Variants in HRAS observed in about 807,000 individuals in gnomAD.
HRAS encodes the protein GTPase HRas.
In HRAS, 11 loss-of-function variants were observed where a neutral mutation model predicts 19.8. The ratio of observed to expected loss-of-function variants is 0.55; its 90% CI spans 0.35 to 0.92. The LOEUF (loss-of-function observed/expected upper bound fraction) is 0.92. Ranked by LOEUF, HRAS falls within the 40% of genes least tolerant of loss-of-function variation. HRAS has a pLI of 0.01. For missense variants in HRAS, 204 were observed against 255.9 expected, an observed-to-expected ratio of 0.80 and a Z score of 1.38; for synonymous variants, 149 against 105.5, an observed-to-expected ratio of 1.41 and a Z score of -2.52.
At position 533,596 on chromosome 11, in the gene HRAS, C is replaced by T. The variant is rs1213269684; in HGVS notation, c.307G>A (p.Val103Met). 6.2e-7 allele frequency: 1 copy of T among 1,613,722 alleles called. No individual in the cohort carries two copies. The highest frequency in any genetic ancestry group is 8.5e-7 in the Non-Finnish European group (1 of 1,179,996). Reference sequence around the variant, plus strand: ...ATGGGCACGTCATCCGAGTCCTTCACCCGTTTGATCTGCTCCCTGAGAGGT... The same window carrying T: ...ATGGGCACGTCATCCGAGTCCTTCATCCGTTTGATCTGCTCCCTGAGAGGT... Reference protein sequence around the residue: ...IHQYREQIKRVKDSDDVPMVL... With the variant: ...IHQYREQIKRMKDSDDVPMVL... The change falls in exon 4 of 6, where the codon GTG becomes ATG. Residue 103 changes from valine to methionine, a missense_variant. By Grantham distance (21) the Val-to-Met change is conservative. Coordinates refer to ENST00000311189, the MANE Select transcript of HRAS (RefSeq NM_005343.4).
intron 4 of HRAS, 23 bp from the exon 5 acceptor site, chr11:532,778 A>C (rs1851186127): frequency 6.2e-7 from 1 of 1,610,782 alleles, no homozygotes; most frequent in Non-Finnish European, 8.5e-7. Flanking sequence ...GGATGGGATC[A>C]GGAGGGACCG....
chr11:533,825 G>C lies in HRAS; in HGVS notation c.231C>G (p.Gly77=), dbSNP rs1182602668. The C allele has an allele frequency of 6.2e-7, 1 of 1,613,374 alleles. No individual in the cohort carries two copies. Residue 77 remains glycine (G), a synonymous_variant, in exon 3 of 6, where the codon GGC becomes GGG. Transcript: ENST00000311189. ...TGTTGATGGCAAACACACACAGGAA[G>C]CCCTCCCCGGTGCGCATGTACTGGT... ...MRDQYMRTGE[G]FLCVFAINNT...
intron 3 of HRAS, 59 bp downstream of exon 3, chr11:533,707 C>G: frequency 6.2e-7 from 1 of 1,610,748 alleles, no homozygotes; most frequent in Non-Finnish European, 8.5e-7. Context: ...TGCCTGGACG[C>G]AGCCGGCCTG....
rs1170748930 is a variant in HRAS at position 533,569 on chromosome 11, C to A, written c.334G>T (p.Val112Leu). The A allele has an allele frequency of 6.2e-7, 1 of 1,613,888 alleles. No homozygotes were observed. The highest frequency in any genetic ancestry group is 8.5e-7 in the Non-Finnish European group (1 of 1,180,010). ...AGGTCACACTTGTTCCCCACCAGCA[C>A]CATGGGCACGTCATCCGAGTCCTTC... is the stretch of plus-strand genomic sequence containing the variant. ...RVKDSDDVPM[V>L]LVGNKCDLAA... Residue 112 changes from valine (V) to leucine (L), a missense_variant, in exon 4 of 6, where the codon GTG (valine) becomes TTG (leucine). By Grantham distance (32) the Val-to-Leu change is conservative. This residue lies in a region of HRAS where 142 missense variants were observed against 141.1 expected (regional missense o/e 1.01). Transcript: ENST00000311189.
chr11:533,204 C>T, intron 4 of HRAS: 1 of 1,341,672 alleles, frequency 7.5e-7, no homozygotes, highest in East Asian at 2.5e-5. Flanking sequence ...CTGTGTCGGC[C>T]CAGGACTGCA....
At position 534,388 on chromosome 11, in the gene HRAS, G is replaced by A. The variant is rs890547133; in HGVS notation, c.-53-13C>T. The stretch of plus-strand genomic sequence containing the variant: ...TCTCCTGCCCCACCTGCCAAGGAGG[G>A]CCCTGCTCAGCCAGGCCCAGGCCCA... On this transcript the variant is annotated splice_polypyrimidine_tract_variant and intron_variant, in intron 1 of 5. Transcript: ENST00000311189. 2 of 1,336,332 alleles carry A rather than the reference G, an allele frequency of 1.5e-6. No individual in the cohort carries two copies. The highest frequency in any genetic ancestry group is 2.4e-5 in the East Asian group (1 of 42,326). The allele number at this position is 1,336,332 out of a possible 1,614,324, so 82.8% of individuals were successfully genotyped here. A position where few individuals can be genotyped will look rare whatever the true frequency, so the allele number is the denominator to read the frequency against.
At chr11:535,038 T>C (rs1418019455) in intron 1 of HRAS, among the ~76,000 whole-genome samples, 1 of 151,958 alleles carries the variant, frequency 6.6e-6, no homozygotes, top group African/African-American at 2.4e-5. Context: ...CCCGGCCTGG[T>C]CCGCGACCTG....
rs1188621343 is a variant in HRAS, at chr11:532,613, C to T, written c.*5+18G>A. ...GTCATCCGGTGGGCGTGGCGGCCGC[C>T]CTGGGAGTCCCCCTCACCTGCGTCA... is the stretch of plus-strand genomic sequence containing the variant. On this transcript the variant is annotated intron_variant, in intron 5 of 5. Transcript: ENST00000311189. 6.2e-7 allele frequency: 1 copy of T among 1,606,134 alleles called. No individual in the cohort carries two copies. Among genetic ancestry groups the T allele is most frequent in the South Asian group, 1.1e-5 (1 of 90,920 alleles).
rs146440188 is a variant in HRAS, at chr11:533,540, A to G, written c.363T>C (p.Ala121=). 37 of 1,613,762 alleles carry G rather than the reference A, an allele frequency of 2.3e-5. No individual in the cohort carries two copies. The highest frequency in any genetic ancestry group is 3.0e-5 in the Non-Finnish European group (35 of 1,180,012). ...MVLVGNKCDL[A]ARTVESRQAQ... ...CCTGCCGAGATTCCACAGTGCGTGC[A>G]GCCAGGTCACACTTGTTCCCCACCA... The change falls in exon 4 of 6, where the codon GCT becomes GCC. Residue 121 remains alanine, a synonymous_variant. Coordinates refer to ENST00000311189, the MANE Select transcript of HRAS (RefSeq NM_005343.4).
rs1269551105 is a variant in HRAS at position 532,742 on chromosome 11, G to A, written c.464C>T (p.Ala155Val). 1.2e-6 allele frequency: 2 copies of A among 1,612,828 alleles called. No homozygotes were observed. The highest frequency in any genetic ancestry group is 8.5e-7 in the Non-Finnish European group (1 of 1,179,996). ...GATCTCACGCACCAACGTGTAGAAG[G>A]CATCCTCCACTCCCTGGGAAAGGAG... The part of the protein sequence containing the change: ...SAKTRQGVED[A>V]FYTLVREIRQ... Residue 155 changes from alanine (A) to valine (V), a missense_variant, in exon 5 of 6, where the codon GCC becomes GTC. Physicochemically the swap from Ala to Val is moderately conservative, Grantham distance 64. Transcript: ENST00000311189.
intron 3 of HRAS, 54 bp from the exon 4 acceptor site, chr11:533,666 C>G: frequency 6.2e-7 from 1 of 1,612,736 alleles, no homozygotes; most frequent in Non-Finnish European, 8.5e-7. Flanking sequence ...CAGCGGCATC[C>G]AGGACATGCG....
rs978492450 is a variant in HRAS at position 533,219 on chromosome 11, G to A, written c.450+234C>T. ...CTGTGTCGGCCCAGGACTGCAGGGC[G>A]TGAGCCCAGACCCCGGCCCTCGCCT... On this transcript the variant is annotated intron_variant, in intron 4 of 5. Transcript: ENST00000311189. 1.8e-5 allele frequency: 25 copies of A among 1,423,390 alleles called. 1 individual carries two copies. The highest frequency in any genetic ancestry group is 2.0e-5 in the Admixed American group (1 of 49,672). The allele number at this position is 1,423,390 out of a possible 1,614,324, so 88.2% of individuals were successfully genotyped here.
At chr11:532,981 G>A (rs1564788227) in intron 4 of HRAS, among the ~76,000 whole-genome samples, 1 of 152,200 alleles carries the variant, frequency 6.6e-6, no homozygotes. Flanking sequence ...GGGTGGCCCG[G>A]GGCCCTCCTG....
Position 532,467 on chromosome 11 carries a change from C to T in HRAS, c.*61G>A. 1.1e-6 allele frequency: 1 copy of T among 909,196 alleles called. No individual in the cohort carries two copies. The highest frequency in any genetic ancestry group is 1.7e-6 in the Non-Finnish European group (1 of 601,064). 56.3% of individuals were successfully genotyped at this position (909,196 alleles called of 1,614,324 possible). ...TCCTTGCTTCCGTCCTTCCTTCCTCCTCCTTCCGTCTGCACCTCCTTCCTG... is the reference window on the plus strand; with the variant it reads ...TCCTTGCTTCCGTCCTTCCTTCCTCTTCCTTCCGTCTGCACCTCCTTCCTG... On this transcript the variant is annotated 3_prime_UTR_variant, in exon 6 of 6. Transcript: ENST00000311189.
At position 535,511 on chromosome 11, in the gene HRAS, C is replaced by G. The variant is rs952663179; in HGVS notation, c.-149G>C. ...CGCGGTTCGCCCCGCGCATGGGCTC[C>G]GTCCGCGGCGGGTGCGGCTCGGGTT... On this transcript the variant is annotated 5_prime_UTR_variant, in exon 1 of 6. Coordinates refer to ENST00000311189, the MANE Select transcript of HRAS (RefSeq NM_005343.4). 2.7e-5 allele frequency: 4 copies of G among 148,008 alleles called. No individual in the cohort carries two copies. The highest frequency in any genetic ancestry group is 3.9e-4 in the East Asian group (2 of 5,100). 9.2% of individuals were successfully genotyped at this position (148,008 alleles called of 1,614,324 possible).
At chr11:534,731 G>A in intron 1 of HRAS, 1 of 252,676 alleles carries the variant, frequency 4.0e-6, no homozygotes, top group Non-Finnish European at 7.9e-6. Context: ...GAACAGGTCT[G>A]GCCACGGCGG....
chr11:532,694 A>G lies in HRAS; in HGVS notation c.512T>C (p.Leu171Pro). 6.2e-7 allele frequency: 1 copy of G among 1,613,192 alleles called. No individual in the cohort carries two copies. Among genetic ancestry groups the G allele is most frequent in the Non-Finnish European group, 8.5e-7 (1 of 1,179,994 alleles). ...GGGGCCACTCTCATCAGGAGGGTTCAGCTTCCGCAGCTTGTGCTGCCGGAT... is the reference window on the plus strand; with the variant it reads ...GGGGCCACTCTCATCAGGAGGGTTCGGCTTCCGCAGCTTGTGCTGCCGGAT... ...REIRQHKLRK[L>P]NPPDESGPGC... The change falls in exon 5 of 6, where the codon CTG (leucine) becomes CCG (proline). Residue 171 changes from leucine (L) to proline (P), a missense_variant. This residue lies in a region of HRAS where 142 missense variants were observed against 141.1 expected (regional missense o/e 1.01). Coordinates refer to ENST00000311189, the MANE Select transcript of HRAS (RefSeq NM_005343.4).
rs1183526920 is a variant in HRAS at position 533,905 on chromosome 11, A to C, written c.151T>G (p.Cys51Gly). The C allele has an allele frequency of 6.2e-7, 1 of 1,613,142 alleles. No homozygotes were observed. Among genetic ancestry groups the C allele is most frequent in the Non-Finnish European group, 8.5e-7 (1 of 1,179,982 alleles). Reference sequence around the variant, plus strand: ...GCGGTATCCAGGATGTCCAACAGGCACGTCTCCCCATCAATGACCACCTGC... The same window carrying C: ...GCGGTATCCAGGATGTCCAACAGGCCCGTCTCCCCATCAATGACCACCTGC... ...RKQVVIDGET[C>G]LLDILDTAGQ... is the part of the protein sequence containing the mutation. The change falls in exon 3 of 6, where the codon TGC becomes GGC. Residue 51 changes from cysteine to glycine, a missense_variant. Around this residue, in one of 4 missense-constraint regions of HRAS, gnomAD observed 51 missense variants for 79.0 expected, o/e 0.65. Coordinates refer to ENST00000311189, the MANE Select transcript of HRAS (RefSeq NM_005343.4).
In HRAS at chr11:533,352, G is replaced by A. The variant is rs748089446; in HGVS notation, c.450+101C>T. On this transcript the variant is annotated intron_variant, in intron 4 of 5. Coordinates refer to ENST00000311189, the MANE Select transcript of HRAS (RefSeq NM_005343.4). ...CCGGAGCTGGAGCTAGAGCCAGAGC[G>A]GCTGCCCTGTGTCAAGGGAGAGGGT... 1.2e-5 allele frequency: 20 copies of A among 1,606,246 alleles called. No homozygotes were observed. The highest frequency in any genetic ancestry group is 8.8e-5 in the South Asian group (8 of 91,084).
Sources: allele counts gnomAD v4.1 joint callset (sites outside exome capture counted in the v4.1 genomes callset), GRCh38; gene constraint gnomAD v4.1.1; regional missense constraint gnomAD v4.1.1; transcripts MANE v1.5; gene names NCBI Gene and HGNC (gene_info 2026-07-23, HGNC 2026-07-21).